The following ME2 variants were observed in gnomAD, a reference collection of about 807,000 sequenced individuals.
ME2 encodes the protein NAD-dependent malic enzyme, mitochondrial.
ME2 carries 60 observed loss-of-function variants against 73.7 expected under a neutral mutation model. That is an observed-to-expected ratio of 0.81 (90% CI 0.66 to 1.01). The LOEUF (loss-of-function observed/expected upper bound fraction) is 1.01, where lower values mean the gene tolerates loss of function less well. ME2 is among the 50% of genes least tolerant of loss of function. The pLI is 0.00. For synonymous variants in ME2, 199 were observed against 236.9 expected (o/e 0.84, Z 1.47); for missense variants, 594 against 705.5 (o/e 0.84, Z 1.79).
At chr18:50,943,937 C>T (rs1918023140) in intron 15 of ME2, among the ~76,000 whole-genome samples, 1 of 152,034 alleles carries the variant, frequency 6.6e-6, no homozygotes, top group South Asian at 2.1e-4. Context: ...ATTACTGGGC[C>T]AGGCAGAGTG....
chr18:50,937,153 C>T (rs541977138), intron 13 of ME2, among the ~76,000 whole-genome samples: 2 of 151,610 alleles, frequency 1.3e-5, no homozygotes, highest in East Asian at 1.9e-4. Context: ...TAAATCTGCC[C>T]CAATTACTTG....
chr18:50,948,541 C>CT lies in ME2; in HGVS notation c.*1378dup, dbSNP rs11295987. The CT allele has an allele frequency of 0.075, 8,457 of 112,852 alleles. 675 individuals are homozygous for CT. Among genetic ancestry groups the CT allele is most frequent in the Non-Finnish European group, 0.12 (6,369 of 55,280 alleles). 7.0% of individuals were successfully genotyped at this position (112,852 alleles called of 1,614,324 possible). On this transcript the variant is annotated 3_prime_UTR_variant, in exon 16 of 16. Transcript: ENST00000321341. ...TTCTGCCTATGAATACAAATTGATT[C>CT]TTTTTTTTTTTTTTTTTTTTTGAGA...
At chr18:50,928,221 GTTTGTAAGGCTAA>G (rs1917608911) in intron 12 of ME2, among the ~76,000 whole-genome samples, 1 of 148,078 alleles carries the variant, frequency 6.8e-6, no homozygotes, top group African/African-American at 2.5e-5. Flanking sequence ...TATCAGGTTT[GTTTGTAAGGCTAA>G]TTTGTCCTTT....
chr18:50,905,628 A>G (rs1917000497), intron 2 of ME2, among the ~76,000 whole-genome samples: 1 of 152,242 alleles, frequency 6.6e-6, no homozygotes, highest in South Asian at 2.1e-4. Context: ...GGTTCAGTCC[A>G]GAAAGGTGGG....
intron 1 of ME2, among the ~76,000 whole-genome samples, chr18:50,886,946 A>C (rs1223364484): frequency 6.6e-6 from 1 of 152,050 alleles, no homozygotes; most frequent in Non-Finnish European, 1.5e-5. Flanking sequence ...GGCTGCAGTG[A>C]GCTGAGATCG....
chr18:50,889,955 A>AGG (rs1916566392), intron 1 of ME2, among the ~76,000 whole-genome samples: 1 of 152,230 alleles, frequency 6.6e-6, no homozygotes, highest in Non-Finnish European at 1.5e-5. Flanking sequence ...AAGCCTGTTA[A>AGG]TTATGTCAAA....
chr18:50,922,570 G>A (rs1031439826), intron 10 of ME2, among the ~76,000 whole-genome samples: 1 of 152,176 alleles, frequency 6.6e-6, no homozygotes, highest in African/African-American at 2.4e-5. Context: ...TGTAATGTTG[G>A]TTTTCATCAA....
rs911848845 is a variant in ME2, at chr18:50,952,241, G to C, written c.*5057G>C. 6.6e-6 allele frequency: 1 copy of C among 151,958 alleles called. No homozygotes were observed. Among genetic ancestry groups the C allele is most frequent in the Admixed American group, 6.6e-5 (1 of 15,256 alleles). The allele number at this position is 151,958 out of a possible 1,614,324, so 9.4% of individuals were successfully genotyped here. ...AGAAAACTTTCTCATCTGAAATCAG[G>C]GTAAGTTTTTTTAATGTAAGCAGAG... On this transcript the variant is annotated 3_prime_UTR_variant, in exon 16 of 16. Coordinates refer to ENST00000321341, the MANE Select transcript of ME2 (RefSeq NM_002396.5).
chr18:50,893,023 G>A (rs1254771411), intron 1 of ME2, among the ~76,000 whole-genome samples: 3 of 150,778 alleles, frequency 2.0e-5, no homozygotes, highest in Admixed American at 6.6e-5. Flanking sequence ...TACTCGGGAG[G>A]CTGGGGCAGG....
Position 50,921,111 on chromosome 18 carries a change from T to C in ME2, c.980T>C (p.Met327Thr). The stretch of plus-strand genomic sequence containing the variant: ...ATTGCAAATCTTATAGTTATGTCTA[T>C]GGTAGAAAATGGCCTGTCAGAACAA... ...LGIANLIVMS[M>T]VENGLSEQEA... Residue 327 changes from methionine to threonine, a missense_variant, in exon 10 of 16, where the codon ATG becomes ACG. By Grantham distance (81) the Met-to-Thr change is moderately conservative. Transcript: ENST00000321341. 1.2e-6 allele frequency: 2 copies of C among 1,600,252 alleles called. No individual in the cohort carries two copies. Among genetic ancestry groups the C allele is most frequent in the Non-Finnish European group, 1.7e-6 (2 of 1,174,022 alleles).
chr18:50,939,389 T>A, intron 13 of ME2, 181 bp from the exon 14 acceptor site: 2 of 498,262 alleles, frequency 4.0e-6, no homozygotes, highest in Non-Finnish European at 3.6e-6. Context: ...ACTTAGCGAA[T>A]AAGAATTATT....
intron 13 of ME2, among the ~76,000 whole-genome samples, chr18:50,936,770 A>C (rs1022111857): frequency 5.3e-4 from 80 of 152,094 alleles, no homozygotes; most frequent in African/African-American, 1.3e-3. Flanking sequence ...TACACACACA[A>C]AAAAAATTTA....
chr18:50,929,707 T>C (rs745900360), intron 12 of ME2, among the ~76,000 whole-genome samples: 7 of 151,934 alleles, frequency 4.6e-5, no homozygotes, highest in Admixed American at 1.3e-4. Context: ...TACTGTCTTA[T>C]CTTTTTATTA....
intron 2 of ME2, among the ~76,000 whole-genome samples, chr18:50,896,585 G>T (rs1465941841): frequency 1.3e-5 from 2 of 152,100 alleles, no homozygotes; most frequent in African/African-American, 2.4e-5. Context: ...GTAAGTAAAA[G>T]TTCTGGGAAG....
At chr18:50,915,918 G>T in intron 4 of ME2, 1 of 336,726 alleles carries the variant, frequency 3.0e-6, no homozygotes, top group Non-Finnish European at 5.4e-6. Flanking sequence ...ATGAGATGTG[G>T]TTACATTTCT....
At chr18:50,903,985 T>C (rs1329539048) in intron 2 of ME2, among the ~76,000 whole-genome samples, 1 of 152,248 alleles carries the variant, frequency 6.6e-6, no homozygotes, top group African/African-American at 2.4e-5. Flanking sequence ...ACTTGTTGAA[T>C]TGTCTTTCTT....
chr18:50,894,086 A>T (rs1251741988), intron 1 of ME2, among the ~76,000 whole-genome samples: 1 of 152,226 alleles, frequency 6.6e-6, no homozygotes, highest in African/African-American at 2.4e-5. Context: ...CTTACCATCC[A>T]TACATGGATG....
At chr18:50,901,347 G>A (rs1454941602) in intron 2 of ME2, among the ~76,000 whole-genome samples, 1 of 152,146 alleles carries the variant, frequency 6.6e-6, no homozygotes. Context: ...GTATTAAAGA[G>A]TTGTTTTAGT....
chr18:50,930,317 C>G (rs1917663018), intron 12 of ME2, among the ~76,000 whole-genome samples: 1 of 152,092 alleles, frequency 6.6e-6, no homozygotes. Context: ...TAAATTCTTT[C>G]TTAGTGTTAC....
Sources: allele counts gnomAD v4.1 joint callset (sites outside exome capture counted in the v4.1 genomes callset), GRCh38; gene constraint gnomAD v4.1.1; transcripts MANE v1.5; gene names NCBI Gene and HGNC (gene_info 2026-07-23, HGNC 2026-07-21).